CCDC85C: variants seen among roughly 807,000 people sequenced by gnomAD.
The protein encoded by CCDC85C is coiled-coil domain-containing protein 85C.
A neutral mutation model predicts 38.3 loss-of-function variants in CCDC85C; 18 were observed. The observed-to-expected ratio is 0.47, with a 90% CI of 0.33 to 0.70. The LOEUF (loss-of-function observed/expected upper bound fraction) is 0.70. CCDC85C is among the 30% of genes least tolerant of loss of function. The pLI is 0.03. For synonymous variants in CCDC85C, 264 were observed against 293.8 expected (o/e 0.90, Z 1.04); for missense variants, 566 against 621.2 (o/e 0.91, Z 0.94).
At chr14:99,585,090 G>A (rs574849861) in intron 1 of CCDC85C, among the ~76,000 whole-genome samples, 22 of 152,184 alleles carry the variant, frequency 1.4e-4, no homozygotes, top group African/African-American at 4.3e-4. Flanking sequence ...GTGAGACCCC[G>A]TCCCCTCCAC....
chr14:99,549,113 T>C (rs1897858787), intron 1 of CCDC85C, among the ~76,000 whole-genome samples: 1 of 152,240 alleles, frequency 6.6e-6, no homozygotes, highest in African/African-American at 2.4e-5. Context: ...GGCAAAGATC[T>C]GAAGCTAAAA....
intron 1 of CCDC85C, among the ~76,000 whole-genome samples, chr14:99,594,801 T>G (rs1472278314): frequency 6.6e-6 from 1 of 152,182 alleles, no homozygotes; most frequent in Non-Finnish European, 1.5e-5. Context: ...CTGAAGCCAC[T>G]GGTTCTGTCT....
intron 1 of CCDC85C, among the ~76,000 whole-genome samples, chr14:99,575,527 C>T (rs1898456040): frequency 6.6e-6 from 1 of 152,232 alleles, no homozygotes; most frequent in Non-Finnish European, 1.5e-5. Context: ...GCTGCCAACA[C>T]CAAAGGAAAT....
Position 99,569,941 on chromosome 14 carries a change from G to GACACAGCAAC in CCDC85C, c.793+33216_793+33225dup. Among the ~76,000 whole-genome samples the GACACAGCAAC allele has an allele frequency of 6.6e-6, 1 of 151,902 alleles. No individual in the cohort carries two copies. Among genetic ancestry groups the GACACAGCAAC allele is most frequent in the Non-Finnish European group, 1.5e-5 (1 of 67,986 alleles). ...AGTGTCACTGCACTCCAGCCTGGGT[G>GACACAGCAAC]ACACAGCAACACACTGTCTCAAAAA... On this transcript the variant is annotated intron_variant, in intron 1 of 5. Coordinates refer to ENST00000380243, the MANE Select transcript of CCDC85C (RefSeq NM_001144995.2). The surrounding 1 kb of genome is among the most constrained non-coding windows in gnomAD (Gnocchi z 4.3).
intron 2 of CCDC85C, chr14:99,534,913 G>C: frequency 1.7e-6 from 1 of 590,030 alleles, no homozygotes; most frequent in East Asian, 2.8e-5. Context: ...ATGGTGGTGG[G>C]GAGTGGGGGG....
In CCDC85C at chr14:99,516,226, T is replaced by C; in HGVS notation, c.1132A>G (p.Ser378Gly). 2 of 1,551,214 alleles carry C rather than the reference T, an allele frequency of 1.3e-6. No homozygotes were observed. The highest frequency in any genetic ancestry group is 1.7e-6 in the Non-Finnish European group (2 of 1,146,934). Residue 378 changes from serine (S) to glycine (G), a missense_variant, in exon 5 of 6, where the codon AGT becomes GGT. Around this residue, in one of 3 missense-constraint regions of CCDC85C, gnomAD observed 286 missense variants for 276.4 expected, o/e 1.03. Coordinates refer to ENST00000380243, the MANE Select transcript of CCDC85C (RefSeq NM_001144995.2). The surrounding 1 kb of genome is among the most constrained non-coding windows in gnomAD (Gnocchi z 5.5). ...CGAACGATGGCCTTCTCCTTCTCAC[T>C]CAGGTCCTCCTCACAGCTGTCCTGG... ...QLQDSCEEDL[S>G]EKEKAIVREM...
intron 1 of CCDC85C, among the ~76,000 whole-genome samples, chr14:99,582,506 T>C (rs1443652401): frequency 2.0e-5 from 3 of 151,390 alleles, no homozygotes; most frequent in Non-Finnish European, 4.4e-5. Context: ...TTGGATAGGA[T>C]CCTGAACAGA....
Position 99,603,230 on chromosome 14 carries a change from G to C in CCDC85C, c.730C>G (p.Arg244Gly), listed in dbSNP as rs2055225462. The C allele has an allele frequency of 1.4e-6, 2 of 1,417,976 alleles. No homozygotes were observed. The allele number at this position is 1,417,976 out of a possible 1,614,324, so 87.8% of individuals were successfully genotyped here. The change falls in exon 1 of 6, where the codon CGT (arginine) becomes GGT (glycine). Residue 244 changes from arginine (R) to glycine (G), a missense_variant. By Grantham distance (125) the Arg-to-Gly change is moderately radical. Coordinates refer to ENST00000380243, the MANE Select transcript of CCDC85C (RefSeq NM_001144995.2). The surrounding 1 kb of genome is among the most constrained non-coding windows in gnomAD (Gnocchi z 7.5). ...KAPDGKAGAT[R>G]RSLDDLSAPP... ...GCCGACAAGTCGTCCAGGGACCGAC[G>C]TGTGGCTCCTGCCTTGCCGTCGGGG...
rs749340548 is a variant in CCDC85C, at chr14:99,588,392, G to A, written c.793+14775C>T. Among the ~76,000 whole-genome samples, 3 of 152,062 alleles carry A rather than the reference G, an allele frequency of 2.0e-5. No homozygotes were observed. Among genetic ancestry groups the A allele is most frequent in the African/African-American group, 4.8e-5 (2 of 41,418 alleles). On this transcript the variant is annotated intron_variant, in intron 1 of 5. Transcript: ENST00000380243. The surrounding 1 kb of genome is among the most constrained non-coding windows in gnomAD (Gnocchi z 5.0). Reference sequence around the variant, plus strand: ...GGCCCCGCCGGGTGCTCCTAAGCCTGCTGTTTCCAGATGCCAATGCCAGTC... The same window carrying A: ...GGCCCCGCCGGGTGCTCCTAAGCCTACTGTTTCCAGATGCCAATGCCAGTC...
rs2055049769 is a variant in CCDC85C at position 99,588,422 on chromosome 14, C to A, written c.793+14745G>T. ...TTCCAGATGCCAATGCCAGTCAATG[C>A]CTGTATATTTACCCAGAGAAAAGAG... On this transcript the variant is annotated intron_variant, in intron 1 of 5. Coordinates refer to ENST00000380243, the MANE Select transcript of CCDC85C (RefSeq NM_001144995.2). This position sits in a 1 kb window ranked among gnomAD's most constrained non-coding sequence, Gnocchi z 5.0. 6.6e-6 allele frequency among the ~76,000 whole-genome samples: 1 copy of A among 152,078 alleles called. No homozygotes were observed. Among genetic ancestry groups the A allele is most frequent in the Non-Finnish European group, 1.5e-5 (1 of 68,038 alleles).
intron 1 of CCDC85C, among the ~76,000 whole-genome samples, chr14:99,571,434 T>C (rs1008493060): frequency 2.6e-5 from 4 of 152,136 alleles, no homozygotes; most frequent in African/African-American, 9.7e-5. Flanking sequence ...CTTTTGGGCG[T>C]GCAGGTGCCA....
rs990570967 is a variant in CCDC85C, at chr14:99,603,949, G to A, written c.11C>T (p.Pro4Leu). The A allele has an allele frequency of 1.8e-5, 25 of 1,384,194 alleles. No individual in the cohort carries two copies. The highest frequency in any genetic ancestry group is 2.2e-5 in the Non-Finnish European group (24 of 1,074,988). 85.7% of individuals were successfully genotyped at this position (1,384,194 alleles called of 1,614,324 possible). A position where few individuals can be genotyped will look rare whatever the true frequency, so the allele number is the denominator to read the frequency against. The change falls in exon 1 of 6, where the codon CCC (proline) becomes CTC (leucine). Residue 4 changes from proline (P) to leucine (L), a missense_variant. This residue lies in a region of CCDC85C where 269 missense variants were observed against 308.2 expected (regional missense o/e 0.87). Coordinates refer to ENST00000380243, the MANE Select transcript of CCDC85C (RefSeq NM_001144995.2). This position sits in a 1 kb window ranked among gnomAD's most constrained non-coding sequence, Gnocchi z 7.5. MAK[P>L]AATAAAASEE... The stretch of plus-strand genomic sequence containing the variant: ...CGACGCCGCCGCCGCCGTCGCCGCG[G>A]GCTTAGCCATGGCGGGGCCGTCACC...
intron 1 of CCDC85C, among the ~76,000 whole-genome samples, chr14:99,537,194 C>T (rs1897620231): frequency 6.6e-6 from 1 of 152,188 alleles, no homozygotes; most frequent in Non-Finnish European, 1.5e-5. Context: ...CACCCACCGG[C>T]CCACCCGACA....
chr14:99,593,092 C>T (rs2139989437), intron 1 of CCDC85C, among the ~76,000 whole-genome samples: 1 of 152,358 alleles, frequency 6.6e-6, no homozygotes, highest in African/African-American at 2.4e-5. Flanking sequence ...AGGGCCACTC[C>T]CAGAGCGGGC....
In CCDC85C at chr14:99,586,302, A is replaced by G. The variant is rs115731688; in HGVS notation, c.793+16865T>C. ...TAGTCTGGGGAGTGGGGACGTGGCC[A>G]TCAGCAGGCACCAGAGGCACAATCC... On this transcript the variant is annotated intron_variant, in intron 1 of 5. Transcript: ENST00000380243. Among the ~76,000 whole-genome samples the G allele has an allele frequency of 5.4e-3, 825 of 152,354 alleles. 6 individuals are homozygous for G. The highest frequency in any genetic ancestry group is 0.019 in the African/African-American group (774 of 41,584).
intron 1 of CCDC85C, among the ~76,000 whole-genome samples, chr14:99,568,250 A>ATTTTTTTTTTTTTTTTTTTT: frequency 7.9e-6 from 1 of 126,932 alleles, no homozygotes; most frequent in Non-Finnish European, 1.6e-5. Context: ...CCTGCCCTTT[A>ATTTTTTTTTTTTTTTTTTTT]TTTTTTTTTT....
intron 1 of CCDC85C, among the ~76,000 whole-genome samples, chr14:99,549,170 TGTCTC>T (rs1897859775): frequency 6.6e-6 from 1 of 152,242 alleles, no homozygotes; most frequent in Non-Finnish European, 1.5e-5. Context: ...GAGTAATCGC[TGTCTC>T]ATTATTCTCC....
chr14:99,546,057 T>TGG lies in CCDC85C; in HGVS notation c.794-9971_794-9970dup, dbSNP rs113645352. On this transcript the variant is annotated intron_variant, in intron 1 of 5. Coordinates refer to ENST00000380243, the MANE Select transcript of CCDC85C (RefSeq NM_001144995.2). The stretch of plus-strand genomic sequence containing the variant: ...TAATCGCGCAGGACTGAAGTCTGCA[T>TGG]GGGGGGGGGGAATAAACAACCCTTA... Among the ~76,000 whole-genome samples, 10 of 145,684 alleles carry TGG rather than the reference T, an allele frequency of 6.9e-5. No homozygotes were observed. The South Asian group carries it at 1.3e-3, about 20-fold the overall frequency.
intron 1 of CCDC85C, among the ~76,000 whole-genome samples, chr14:99,602,651 G>A (rs111346363): frequency 2.6e-4 from 40 of 152,262 alleles, no homozygotes; most frequent in African/African-American, 9.4e-4. Context: ...CTGCCTCTGG[G>A]TCTCAAGCGG....
Sources: allele counts gnomAD v4.1 joint callset (sites outside exome capture counted in the v4.1 genomes callset), GRCh38; gene constraint gnomAD v4.1.1; regional missense constraint gnomAD v4.1.1; non-coding constraint Gnocchi (gnomAD v3.1); transcripts MANE v1.5; gene names NCBI Gene and HGNC (gene_info 2026-07-23, HGNC 2026-07-21).